PIEZO2: variants seen among roughly 807,000 people sequenced by gnomAD.
PIEZO2 encodes piezo-type mechanosensitive ion channel component 2.
PIEZO2 carries 172 observed loss-of-function variants against 337.3 expected under a neutral mutation model. The ratio of observed to expected loss-of-function variants is 0.51; its 90% CI spans 0.45 to 0.58. PIEZO2 has a LOEUF of 0.58. Ranked by LOEUF, PIEZO2 falls within the 20% of genes least tolerant of loss-of-function variation. The pLI is 0.00. For synonymous variants in PIEZO2, 1,251 were observed against 1,228.5 expected (o/e 1.02, Z -0.38); for missense variants, 3,028 against 3,391.3 (o/e 0.89, Z 2.66).
chr18:10,947,104 A>C (rs528738604), intron 3 of PIEZO2, among the ~76,000 whole-genome samples: 1 of 152,300 alleles, frequency 6.6e-6, no homozygotes, highest in South Asian at 2.1e-4. Context: ...TATAATAGTA[A>C]AACTGAGAGA....
rs1465033205 is a variant in PIEZO2 at position 10,731,182 on chromosome 18, T to G, written c.5029+225A>C. Reference sequence around the variant, plus strand: ...CTTTTTTCCTACTTAAAAGATTATATATATATATATATATATATATATATA... The same window carrying G: ...CTTTTTTCCTACTTAAAAGATTATAGATATATATATATATATATATATATA... On this transcript the variant is annotated intron_variant, in intron 36 of 55. Transcript: ENST00000674853. Among the ~76,000 whole-genome samples the G allele has an allele frequency of 2.4e-3, 54 of 22,392 alleles. 1 individual carries two copies. The highest frequency in any genetic ancestry group is 0.013 in the African/African-American group (48 of 3,596). The allele number at this position is 22,392 out of a possible 152,430, so 14.7% of individuals were successfully genotyped here.
chr18:10,676,263 T>C lies in PIEZO2; in HGVS notation c.8082-975A>G, dbSNP rs2033995686. 6.6e-6 allele frequency among the ~76,000 whole-genome samples: 1 copy of C among 152,096 alleles called. No individual in the cohort carries two copies. Among genetic ancestry groups the C allele is most frequent in the Admixed American group, 6.5e-5 (1 of 15,276 alleles). ...TAGTGAGTCGCAAAACATATCTCAG[T>C]CTGGGAACATTTCTAAGGCCTGCAC... On this transcript the variant is annotated intron_variant, in intron 53 of 55. Transcript: ENST00000674853. The surrounding 1 kb of genome is among the most constrained non-coding windows in gnomAD (Gnocchi z 5.1).
rs150237299 is a variant in PIEZO2 at position 11,121,795 on chromosome 18, A to T, written c.64+26730T>A. Among the ~76,000 whole-genome samples, 478 of 152,352 alleles carry T rather than the reference A, an allele frequency of 3.1e-3. 3 individuals carry two copies. Among genetic ancestry groups the T allele is most frequent in the African/African-American group, 0.011 (463 of 41,582 alleles). On this transcript the variant is annotated intron_variant, in intron 1 of 55. Coordinates refer to ENST00000674853, the MANE Select transcript of PIEZO2 (RefSeq NM_001378183.1). ...CTATTAAATCCAGCAATGAGAGGAC[A>T]TATTTTCATGACCAAATATAGGTGC... is the stretch of plus-strand genomic sequence containing the variant.
rs185663824 is a variant in PIEZO2 at position 11,123,419 on chromosome 18, A to G, written c.64+25106T>C. Among the ~76,000 whole-genome samples the G allele has an allele frequency of 2.3e-3, 349 of 152,374 alleles. 2 individuals are homozygous for G. Among genetic ancestry groups the G allele is most frequent in the Middle Eastern group, 3.4e-3 (1 of 294 alleles). On this transcript the variant is annotated intron_variant, in intron 1 of 55. Coordinates refer to ENST00000674853, the MANE Select transcript of PIEZO2 (RefSeq NM_001378183.1). ...TATGCTGTTAAATTTCTAGACAAGTAAAACATTACTAAATTAAGTTGATTA... is the reference window on the plus strand; with the variant it reads ...TATGCTGTTAAATTTCTAGACAAGTGAAACATTACTAAATTAAGTTGATTA...
rs1281886406 is a variant in PIEZO2, at chr18:10,797,538, CTTTA to C, written c.1379-20_1379-17del. ...TCTCGCTTTTCTAGATGGACGAATA[CTTTA>C]TTTAACTATTTATGCAAACATGTGA... On this transcript the variant is annotated splice_polypyrimidine_tract_variant and intron_variant, in intron 11 of 55. Transcript: ENST00000674853. 3.9e-6 allele frequency: 6 copies of C among 1,535,154 alleles called. No homozygotes were observed. In the African/African-American group the frequency reaches 4.1e-5, roughly 11 times the overall value.
In PIEZO2 at chr18:10,726,354, G is replaced by A; in HGVS notation, c.5029+5053C>T. The A allele has an allele frequency of 1.3e-6, 2 of 1,505,412 alleles. No individual in the cohort carries two copies. The highest frequency in any genetic ancestry group is 1.8e-6 in the Non-Finnish European group (2 of 1,132,452). The allele number at this position is 1,505,412 out of a possible 1,614,324, so 93.3% of individuals were successfully genotyped here. ...GCCCCGCCCAGCGCTGCCTCCCTTCGCCTTCCCCGCAGGCACCCACTACCT... is the reference window on the plus strand; with the variant it reads ...GCCCCGCCCAGCGCTGCCTCCCTTCACCTTCCCCGCAGGCACCCACTACCT... On this transcript the variant is annotated intron_variant, in intron 36 of 55. Coordinates refer to ENST00000674853, the MANE Select transcript of PIEZO2 (RefSeq NM_001378183.1). This position sits in a 1 kb window ranked among gnomAD's most constrained non-coding sequence, Gnocchi z 5.9.
rs1159907545 is a variant in PIEZO2, at chr18:10,766,928, A to G, written c.2946+3220T>C. ...AAATAATAACAATGATGAGACAGACAAGAAGGAGAAACCTCAGGTCTGCAA... is the reference window on the plus strand; with the variant it reads ...AAATAATAACAATGATGAGACAGACGAGAAGGAGAAACCTCAGGTCTGCAA... On this transcript the variant is annotated intron_variant, in intron 21 of 55. Coordinates refer to ENST00000674853, the MANE Select transcript of PIEZO2 (RefSeq NM_001378183.1). The surrounding 1 kb of genome is among the most constrained non-coding windows in gnomAD (Gnocchi z 6.1). Among the ~76,000 whole-genome samples, 1 of 152,090 alleles carries G rather than the reference A, an allele frequency of 6.6e-6. No homozygotes were observed. The highest frequency in any genetic ancestry group is 1.5e-5 in the Non-Finnish European group (1 of 68,020).
chr18:11,007,471 C>G (rs376436525), intron 2 of PIEZO2, among the ~76,000 whole-genome samples: 9 of 152,240 alleles, frequency 5.9e-5, no homozygotes, highest in South Asian at 2.1e-4. Flanking sequence ...TCCTCATATG[C>G]CTTTCACTCA....
In PIEZO2 at chr18:11,104,902, C is replaced by T. The variant is rs908836026; in HGVS notation, c.65-38680G>A. On this transcript the variant is annotated intron_variant, in intron 1 of 55. Transcript: ENST00000674853. The surrounding 1 kb of genome is among the most constrained non-coding windows in gnomAD (Gnocchi z 4.6). ...ATGTGACTGGGTCTGGCTAATGAGG[C>T]CCCCTCCCCAGGTACAATGTTTGGT... Among the ~76,000 whole-genome samples the T allele has an allele frequency of 1.3e-5, 2 of 152,010 alleles. No individual in the cohort carries two copies. The highest frequency in any genetic ancestry group is 4.8e-5 in the African/African-American group (2 of 41,344).
chr18:10,724,553 TGTCCCCAGAA>T lies in PIEZO2; in HGVS notation c.5030-6304_5030-6295del, dbSNP rs1432618774. The T allele has an allele frequency of 1.8e-6, 1 of 545,260 alleles. No homozygotes were observed. Among genetic ancestry groups the T allele is most frequent in the Non-Finnish European group, 3.3e-6 (1 of 300,930 alleles). 33.8% of individuals were successfully genotyped at this position (545,260 alleles called of 1,614,324 possible). On this transcript the variant is annotated intron_variant, in intron 36 of 55. Coordinates refer to ENST00000674853, the MANE Select transcript of PIEZO2 (RefSeq NM_001378183.1). The surrounding 1 kb of genome is among the most constrained non-coding windows in gnomAD (Gnocchi z 5.8). ...ATGCTGGTCTCCACATACCCTTCTG[TGTCCCCAGAA>T]GTCGACAGTGTGGGGAGTTGGAGTG...
chr18:10,800,106 T>G (rs1349833736), intron 11 of PIEZO2, among the ~76,000 whole-genome samples: 1 of 152,222 alleles, frequency 6.6e-6, no homozygotes, highest in East Asian at 1.9e-4. Flanking sequence ...TATTTTCACC[T>G]TTTATTTTAA....
Position 10,857,602 on chromosome 18 carries a change from C to T in PIEZO2, c.493-391G>A, listed in dbSNP as rs1004663741. ...ATAAGAAGTTTGATAAAACTATCCA[C>T]AGCTTCGACTGAAAGGTGAGTCCAA... On this transcript the variant is annotated intron_variant, in intron 5 of 55. Coordinates refer to ENST00000674853, the MANE Select transcript of PIEZO2 (RefSeq NM_001378183.1). 7.2e-5 allele frequency among the ~76,000 whole-genome samples: 11 copies of T among 152,354 alleles called. No individual in the cohort carries two copies. In the East Asian group the frequency reaches 2.1e-3, roughly 29 times the overall value.
rs1568397208 is a variant in PIEZO2, at chr18:11,127,384, G to C, written c.64+21141C>G. The stretch of plus-strand genomic sequence containing the variant: ...TATTGATCCTGGGTGTGTCTGGGAG[G>C]GTGTTGCCAAAAGAGATTACCATTT... On this transcript the variant is annotated intron_variant, in intron 1 of 55. Transcript: ENST00000674853. This position sits in a 1 kb window ranked among gnomAD's most constrained non-coding sequence, Gnocchi z 4.5. Among the ~76,000 whole-genome samples, 1 of 152,148 alleles carries C rather than the reference G, an allele frequency of 6.6e-6. No individual in the cohort carries two copies. Among genetic ancestry groups the C allele is most frequent in the Non-Finnish European group, 1.5e-5 (1 of 68,016 alleles).
Position 10,767,913 on chromosome 18 carries a change from A to C in PIEZO2, c.2946+2235T>G, listed in dbSNP as rs1729684330. 6.6e-6 allele frequency among the ~76,000 whole-genome samples: 1 copy of C among 152,206 alleles called. No homozygotes were observed. The highest frequency in any genetic ancestry group is 2.1e-4 in the South Asian group (1 of 4,826). ...GAGGGCAAGGGCAGGTTTACCCGCCAGTTGCCAGCCCAGAGCGTGAGGCCA... is the reference window on the plus strand; with the variant it reads ...GAGGGCAAGGGCAGGTTTACCCGCCCGTTGCCAGCCCAGAGCGTGAGGCCA... On this transcript the variant is annotated intron_variant, in intron 21 of 55. Coordinates refer to ENST00000674853, the MANE Select transcript of PIEZO2 (RefSeq NM_001378183.1). The surrounding 1 kb of genome is among the most constrained non-coding windows in gnomAD (Gnocchi z 4.2).
At position 11,078,046 on chromosome 18, in the gene PIEZO2, C is replaced by CCACA. The variant is rs35766286; in HGVS notation, c.65-11828_65-11825dup. ...TGCGTGCACACACACCCACACACAC[C>CCACA]CACACACACACACACACACACCACA... On this transcript the variant is annotated intron_variant, in intron 1 of 55. Coordinates refer to ENST00000674853, the MANE Select transcript of PIEZO2 (RefSeq NM_001378183.1). The surrounding 1 kb of genome is among the most constrained non-coding windows in gnomAD (Gnocchi z 5.3). Among the ~76,000 whole-genome samples the CCACA allele has an allele frequency of 6.6e-5, 9 of 135,778 alleles. No homozygotes were observed. Among genetic ancestry groups the CCACA allele is most frequent in the South Asian group, 2.2e-4 (1 of 4,574 alleles). The allele number at this position is 135,778 out of a possible 152,430, so 89.1% of individuals were successfully genotyped here.
At chr18:10,712,878 G>A (rs906006157) in intron 39 of PIEZO2, among the ~76,000 whole-genome samples, 2 of 152,206 alleles carry the variant, frequency 1.3e-5, no homozygotes, top group East Asian at 1.9e-4. Flanking sequence ...AAATCATAAC[G>A]AGTTTCTGTC....
rs1035555476 is a variant in PIEZO2 at position 11,097,556 on chromosome 18, C to A, written c.65-31334G>T. Among the ~76,000 whole-genome samples, 1 of 152,220 alleles carries A rather than the reference C, an allele frequency of 6.6e-6. No individual in the cohort carries two copies. The highest frequency in any genetic ancestry group is 2.4e-5 in the African/African-American group (1 of 41,456). On this transcript the variant is annotated intron_variant, in intron 1 of 55. Coordinates refer to ENST00000674853, the MANE Select transcript of PIEZO2 (RefSeq NM_001378183.1). The surrounding 1 kb of genome is among the most constrained non-coding windows in gnomAD (Gnocchi z 5.0). ...CCATAACTGCTTCACAGTTTGAAGA[C>A]AGCAAAAGCTATTTAGAGGAGTACA...
intron 7 of PIEZO2, among the ~76,000 whole-genome samples, chr18:10,812,959 A>G (rs1464437456): frequency 1.3e-5 from 2 of 151,616 alleles, no homozygotes; most frequent in Admixed American, 6.6e-5. Context: ...CAAAATACAC[A>G]TAACATAAAG....
At chr18:10,694,788 T>A (rs1028951530) in intron 47 of PIEZO2, among the ~76,000 whole-genome samples, 1 of 152,140 alleles carries the variant, frequency 6.6e-6, no homozygotes, top group Admixed American at 6.5e-5. Flanking sequence ...TGAGCTATGA[T>A]CATGCCACTG....
Sources: allele counts gnomAD v4.1 joint callset (sites outside exome capture counted in the v4.1 genomes callset), GRCh38; gene constraint gnomAD v4.1.1; non-coding constraint Gnocchi (gnomAD v3.1); transcripts MANE v1.5; gene names NCBI Gene and HGNC (gene_info 2026-07-23, HGNC 2026-07-21).